Variants in CBLB observed in about 807,000 individuals in gnomAD.
The protein encoded by CBLB is Cbl proto-oncogene B.
In CBLB, 31 loss-of-function variants were observed where a neutral mutation model predicts 104.9. The observed-to-expected ratio is 0.30, with a 90% CI of 0.22 to 0.40. The LOEUF (loss-of-function observed/expected upper bound fraction) is 0.40, where lower values mean the gene tolerates loss of function less well. Ranked by LOEUF, CBLB falls within the 10% of genes least tolerant of loss-of-function variation. CBLB has a pLI of 1.00. For synonymous variants in CBLB, 440 were observed against 422.6 expected, an observed-to-expected ratio of 1.04 and a Z score of -0.51; for missense variants, 1,062 against 1,214.6, an observed-to-expected ratio of 0.87 and a Z score of 1.87.
intron 3 of CBLB, among the ~76,000 whole-genome samples, chr3:105,780,660 G>T (rs7627071): frequency 0.015 from 1,428 of 93,590 alleles, 7 homozygotes; most frequent in Middle Eastern, 0.031. Context: ...TTTGTTTTTT[G>T]TTTTTTTTTT....
In CBLB at chr3:105,748,189, T is replaced by A. The variant is rs59577696; in HGVS notation, c.724-2151A>T. Among the ~76,000 whole-genome samples the A allele has an allele frequency of 6.4e-3, 977 of 152,266 alleles. 12 individuals carry two copies. Among genetic ancestry groups the A allele is most frequent in the African/African-American group, 0.023 (936 of 41,538 alleles). On this transcript the variant is annotated intron_variant, in intron 5 of 18. Transcript: ENST00000394030. Reference sequence around the variant, plus strand: ...AGAACATAAAATTATCTAGATACTTTTAAATGACTATAGAAATTAATGAAG... The same window carrying A: ...AGAACATAAAATTATCTAGATACTTATAAATGACTATAGAAATTAATGAAG...
rs200856784 is a variant in CBLB, at chr3:105,829,120, CTGA to C, written c.419+24291_419+24293del. ...CCCCTGTCCTCCCATGTAATGAATG[CTGA>C]TGAGATCCTGAAATATTCCCCAAAG... On this transcript the variant is annotated intron_variant, in intron 3 of 18. Transcript: ENST00000394030. Among the ~76,000 whole-genome samples the C allele has an allele frequency of 6.7e-3, 1,023 of 151,642 alleles. 16 individuals carry two copies. The highest frequency in any genetic ancestry group is 0.023 in the African/African-American group (969 of 41,314).
At chr3:105,811,148 G>C (rs1246396835) in intron 3 of CBLB, among the ~76,000 whole-genome samples, 12 of 152,150 alleles carry the variant, frequency 7.9e-5, no homozygotes, top group Admixed American at 7.9e-4. Flanking sequence ...GAGAAGTCCT[G>C]CTGGGCAAAA....
intron 3 of CBLB, among the ~76,000 whole-genome samples, chr3:105,817,255 C>G (rs1361706053): frequency 6.6e-6 from 1 of 152,038 alleles, no homozygotes; most frequent in African/African-American, 2.4e-5. Flanking sequence ...TATTAGAAGG[C>G]CAGCCATTAT....
At position 105,658,185 on chromosome 3, in the gene CBLB, T is replaced by C. The variant is rs528115394; in HGVS notation, c.*785A>G. 4.6e-6 allele frequency: 1 copy of C among 216,022 alleles called. No individual in the cohort carries two copies. Among genetic ancestry groups the C allele is most frequent in the African/African-American group, 2.2e-5 (1 of 44,454 alleles). The allele number at this position is 216,022 out of a possible 1,614,324, so 13.4% of individuals were successfully genotyped here. A position where few individuals can be genotyped will look rare whatever the true frequency, so the allele number is the denominator to read the frequency against. ...TTCTAATATTGTAGATTTTTACAGT[T>C]GTGACACCCCTGGGATGACAGACAT... On this transcript the variant is annotated 3_prime_UTR_variant, in exon 19 of 19. Coordinates refer to ENST00000394030, the MANE Select transcript of CBLB (RefSeq NM_170662.5).
chr3:105,834,274 T>C (rs1464836423), intron 3 of CBLB, among the ~76,000 whole-genome samples: 9 of 152,178 alleles, frequency 5.9e-5, no homozygotes, highest in African/African-American at 1.2e-4. Flanking sequence ...GTAATGGCTA[T>C]GTTAATTAGC....
rs2076589686 is a variant in CBLB at position 105,751,476 on chromosome 3, T to A, written c.709A>T (p.Thr237Ser). The A allele has an allele frequency of 6.2e-7, 1 of 1,610,042 alleles. No homozygotes were observed. The change falls in exon 5 of 19, where the codon ACC becomes TCC. Residue 237 changes from threonine to serine, a missense_variant. By Grantham distance (58) the Thr-to-Ser change is moderately conservative (BLOSUM62 1). Around this residue, in one of 2 missense-constraint regions of CBLB, gnomAD observed 457 missense variants for 632.0 expected, o/e 0.72. Transcript: ENST00000394030. ...YISVFEFDIF[T>S]RLFQPWGSIL... Reference sequence around the variant, plus strand: ...TATAAACTTACCTGAAACAGCCTGGTAAAAATATCAAATTCAAAAACTGAA... The same window carrying A: ...TATAAACTTACCTGAAACAGCCTGGAAAAAATATCAAATTCAAAAACTGAA...
intron 4 of CBLB, among the ~76,000 whole-genome samples, chr3:105,755,067 G>A (rs2076965154): frequency 7.0e-6 from 1 of 143,298 alleles, no homozygotes; most frequent in African/African-American, 2.6e-5. Flanking sequence ...GTACATGTAT[G>A]TGCACATTGT....
chr3:105,715,767 G>A (rs774138281), intron 10 of CBLB, among the ~76,000 whole-genome samples: 15 of 152,160 alleles, frequency 9.9e-5, no homozygotes, highest in African/African-American at 2.2e-4. Context: ...CACCAGGCAC[G>A]GTGGCTCATG....
intron 2 of CBLB, among the ~76,000 whole-genome samples, chr3:105,853,891 C>A (rs1000051842): frequency 6.6e-6 from 1 of 152,022 alleles, no homozygotes; most frequent in East Asian, 1.9e-4. Flanking sequence ...TTATTTTGAA[C>A]CTCTAAAGTT....
intron 3 of CBLB, among the ~76,000 whole-genome samples, chr3:105,808,181 ATTAAG>A (rs1204019818): frequency 6.6e-6 from 1 of 152,222 alleles, no homozygotes. Flanking sequence ...AAAAGAAAAT[ATTAAG>A]TTAACTTTCC....
intron 7 of CBLB, among the ~76,000 whole-genome samples, chr3:105,737,831 A>G (rs2075120906): frequency 6.6e-6 from 1 of 152,206 alleles, no homozygotes; most frequent in Non-Finnish European, 1.5e-5. Flanking sequence ...ACACAGGCAC[A>G]TACACATTTT....
intron 13 of CBLB, among the ~76,000 whole-genome samples, chr3:105,689,782 AT>A (rs898330141): frequency 1.3e-5 from 2 of 151,976 alleles, no homozygotes; most frequent in Non-Finnish European, 1.5e-5. Flanking sequence ...CTCCAAAAAA[AT>A]AATTACCCAT....
In CBLB at chr3:105,853,653, GCA is replaced by G; in HGVS notation, c.178_179del (p.Cys60ProfsTer10). Reference protein sequence around the residue: ...WKLMDKVVRLCQNPKLQLKNS... With the variant: ...WKLMDKVVRLXQNPKLQLKNS... ...TTTTCAACTGAAGTTTGGGATTTTG[GCA>G]CAGTCTTACCTAAAAACAAAGATAA... On this transcript the variant is annotated frameshift_variant, in exon 3 of 19. Transcript: ENST00000394030. LOFTEE classifies it high-confidence loss of function. The G allele has an allele frequency of 6.2e-7, 1 of 1,601,034 alleles. No individual in the cohort carries two copies. Among genetic ancestry groups the G allele is most frequent in the Non-Finnish European group, 8.5e-7 (1 of 1,171,038 alleles).
chr3:105,734,044 G>T lies in CBLB; in HGVS notation c.1168C>A (p.His390Asn). 1 of 1,613,958 alleles carries T rather than the reference G, an allele frequency of 6.2e-7. No homozygotes were observed. The highest frequency in any genetic ancestry group is 8.5e-7 in the Non-Finnish European group (1 of 1,179,822). ...DKDVKIEPCG[H>N]LMCTSCLTAW... ...GTAAGGCAAGAGGTGCACATCAAAT[G>T]CCCACAAGGCTCAATCTTGACATCT... is the stretch of plus-strand genomic sequence containing the variant. Residue 390 changes from histidine to asparagine, a missense_variant, in exon 9 of 19, where the codon CAT becomes AAT. Physicochemically the swap from His to Asn is moderately conservative, Grantham distance 68 (BLOSUM62 1). This residue lies in a region of CBLB where 457 missense variants were observed against 632.0 expected (regional missense o/e 0.72). Transcript: ENST00000394030.
chr3:105,670,803 A>C (rs2152697533), intron 17 of CBLB: 1 of 160,710 alleles, frequency 6.2e-6, no homozygotes. Flanking sequence ...TTGGGCATAC[A>C]AAATTTGTAA....
chr3:105,811,474 A>G (rs1402634645), intron 3 of CBLB, among the ~76,000 whole-genome samples: 2 of 152,146 alleles, frequency 1.3e-5, no homozygotes, highest in South Asian at 2.1e-4. Flanking sequence ...TGACTGGCCT[A>G]CACACACACA....
At chr3:105,757,181 T>C (rs1439048167) in intron 4 of CBLB, among the ~76,000 whole-genome samples, 1 of 152,132 alleles carries the variant, frequency 6.6e-6, no homozygotes, top group East Asian at 1.9e-4. Context: ...CTGTGTTAGG[T>C]TGTTTTAGCA....
At chr3:105,816,438 A>T (rs577754478) in intron 3 of CBLB, among the ~76,000 whole-genome samples, 1 of 152,184 alleles carries the variant, frequency 6.6e-6, no homozygotes, top group African/African-American at 2.4e-5. Flanking sequence ...TTTCTTCAAA[A>T]GCTTGATTTT....
Sources: gnomAD v4.1 joint callset for allele counts (sites outside exome capture counted in the v4.1 genomes callset) on GRCh38, gnomAD v4.1.1 for gene constraint, gnomAD v4.1.1 regional missense constraint, MANE v1.5 for transcripts, NCBI Gene and HGNC (gene_info 2026-07-23, HGNC 2026-07-21) for gene names.